Variants in KRTAP4-6 observed in about 807,000 individuals in gnomAD.
KRTAP4-6 encodes keratin-associated protein 4-6.
In KRTAP4-6, 1 loss-of-function variant was observed where a neutral mutation model predicts 3.6. The observed-to-expected ratio is 0.28, with a 90% CI of 0.10 to 1.32. The LOEUF (loss-of-function observed/expected upper bound fraction) is 1.32, where lower values mean the gene tolerates loss of function less well. Among genes scored for constraint, KRTAP4-6 ranks in the 40% most tolerant of loss-of-function variants. The probability of loss-of-function intolerance (pLI) is 0.45; values close to 1 mark genes in which losing one functional copy is unlikely to be tolerated. For missense variants in KRTAP4-6, 275 were observed against 280.3 expected, an observed-to-expected ratio of 0.98 and a Z score of 0.14; for synonymous variants, 97 against 96.7, an observed-to-expected ratio of 1.00 and a Z score of -0.02.
chr17:41,139,706 CATAT>C, exon 1 of KRTAP4-6: 1 of 1,074,688 alleles, frequency 9.3e-7, no homozygotes, highest in Non-Finnish European at 1.3e-6. Flanking sequence ...ACATGGGGAA[CATAT>C]ATTCTAGATG....
rs538385765 is a variant in KRTAP4-6, at chr17:41,140,346, G to A, written c.142C>T (p.Pro48Ser). Residue 48 changes from proline to serine, a missense_variant, in exon 1 of 1, where the codon CCC (proline) becomes TCC (serine). By Grantham distance (74) the Pro-to-Ser change is moderately conservative. Transcript: ENST00000345847. ...CAGCACACAGACTGGCAGCACTGGGGTCTGCAGCAGCTGGACACACAGCAG... is the reference window on the plus strand; with the variant it reads ...CAGCACACAGACTGGCAGCACTGGGATCTGCAGCAGCTGGACACACAGCAG... The A allele has an allele frequency of 2.2e-4, 361 of 1,611,522 alleles. No individual in the cohort carries two copies. In the African/African-American group the frequency reaches 4.4e-3, roughly 20 times the overall value.
chr17:41,139,691 G>T, exon 1 of KRTAP4-6: 1 of 948,818 alleles, frequency 1.1e-6, no homozygotes, highest in Non-Finnish European at 1.5e-6. Context: ...TTCACACTTG[G>T]GTCAACATGG....
chr17:41,139,760 T>G, exon 1 of KRTAP4-6: 1 of 1,436,406 alleles, frequency 7.0e-7, no homozygotes, highest in Non-Finnish European at 9.4e-7. Flanking sequence ...GTCCAGGATA[T>G]GGAAACACAG....
In KRTAP4-6 at chr17:41,139,675, T is replaced by A. The variant is rs185612334; in HGVS notation, c.*195A>T. ...TATTAATTTCTTTCTGTAAATAATA[T>A]CTAATTTCACACTTGGGTCAACATG... On this transcript the variant is annotated 3_prime_UTR_variant, in exon 1 of 1. Transcript: ENST00000345847. The A allele has an allele frequency of 2.7e-5, 23 of 853,056 alleles. No individual in the cohort carries two copies. The East Asian group carries it at 6.3e-4, about 23-fold the overall frequency. The allele number at this position is 853,056 out of a possible 1,614,324, so 52.8% of individuals were successfully genotyped here.
At chr17:41,140,290 A>ACGG in exon 1 of KRTAP4-6, 1 of 1,432,554 alleles carries the variant, frequency 7.0e-7, no homozygotes, top group South Asian at 1.2e-5. Flanking sequence ...AGCAGCTGGG[A>ACGG]CAGCAGCTGG....
chr17:41,140,219 C>A, exon 1 of KRTAP4-6: 3 of 1,592,862 alleles, frequency 1.9e-6, no homozygotes, highest in Non-Finnish European at 2.6e-6. Flanking sequence ...CTGGGGTCTG[C>A]AGCAGCTGGA....
exon 1 of KRTAP4-6, chr17:41,139,769 A>G: frequency 6.8e-7 from 1 of 1,465,108 alleles, no homozygotes; most frequent in Non-Finnish European, 9.2e-7. Context: ...ATGGAAACAC[A>G]GTTGGTGGGA....
upstream of KRTAP4-6, chr17:41,140,511 G>A (rs1157002020): frequency 1.9e-6 from 3 of 1,593,168 alleles, no homozygotes; most frequent in Non-Finnish European, 2.6e-6. Flanking sequence ...AAAGGTTCTG[G>A]GTGGGTTTCC....
chr17:41,139,958 C>G, exon 1 of KRTAP4-6: 2 of 1,607,818 alleles, frequency 1.2e-6, no homozygotes, highest in African/African-American at 1.3e-5. Flanking sequence ...GCAGGAGACT[C>G]GGCCACAGAC....
Position 41,140,141 on chromosome 17 carries a change from C to T in KRTAP4-6, c.347G>A (p.Arg116His), listed in dbSNP as rs772636827. Residue 116 changes from arginine (R) to histidine (H), a missense_variant, in exon 1 of 1, where the codon CGC becomes CAC. Transcript: ENST00000345847. ...GCACCTGGACACACAGCAGCTGGGG[C>T]GACAGCAGCTGGAGATGCTGCAGCT... The T allele has an allele frequency of 1.3e-4, 185 of 1,449,154 alleles. No homozygotes were observed. The Middle Eastern group carries it at 3.6e-3, about 28-fold the overall frequency. The allele number at this position is 1,449,154 out of a possible 1,614,324, so 89.8% of individuals were successfully genotyped here.
exon 1 of KRTAP4-6, chr17:41,140,473 A>G (rs887387166): frequency 6.2e-7 from 1 of 1,612,412 alleles, no homozygotes; most frequent in African/African-American, 1.3e-5. Context: ...CGGAACCACA[A>G]CAGGAGCTGA....
In KRTAP4-6 at chr17:41,140,433, T is replaced by A. The variant is rs2014682610; in HGVS notation, c.55A>T (p.Thr19Ser). The A allele has an allele frequency of 1.9e-6, 3 of 1,613,778 alleles. No individual in the cohort carries two copies. The South Asian group carries it at 3.3e-5, about 18-fold the overall frequency. Residue 19 changes from threonine to serine, a missense_variant, in exon 1 of 1, where the codon ACC (threonine) becomes TCC (serine). Thr to Ser is a moderately conservative substitution (Grantham distance 58). Coordinates refer to ENST00000345847, the Ensembl canonical transcript of KRTAP4-6. ...TGACAGCAGCTGGGGCGGCAGCAGG[T>A]CTCCAGGCCACAGCCCTGGTCAGAG... is the stretch of plus-strand genomic sequence containing the variant.
chr17:41,139,688 T>C, exon 1 of KRTAP4-6: 1 of 926,356 alleles, frequency 1.1e-6, no homozygotes, highest in Non-Finnish European at 1.6e-6. Flanking sequence ...AATTTCACAC[T>C]TGGGTCAACA....
chr17:41,139,700 G>T, exon 1 of KRTAP4-6: 1 of 1,033,546 alleles, frequency 9.7e-7, no homozygotes, highest in South Asian at 1.8e-5. Flanking sequence ...GGGTCAACAT[G>T]GGGAACATAT....
Position 41,140,097 on chromosome 17 carries a change from G to A in KRTAP4-6, c.391C>T (p.Gln131Ter), listed in dbSNP as rs1239645097. ...CAGGTTGGCTGGCAGCACACAGACT[G>A]GCAGCACTGGGACCTGCAGCACCTG... The change falls in exon 1 of 1, where the codon CAG becomes TAG. Residue 131 changes from glutamine to a stop codon, truncating the protein, a stop_gained. Coordinates refer to ENST00000345847, the Ensembl canonical transcript of KRTAP4-6. LOFTEE classifies it low-confidence loss of function (END_TRUNC). The A allele has an allele frequency of 6.2e-6, 9 of 1,459,166 alleles. No individual in the cohort carries two copies. The highest frequency in any genetic ancestry group is 8.4e-6 in the Non-Finnish European group (9 of 1,076,160). 90.4% of individuals were successfully genotyped at this position (1,459,166 alleles called of 1,614,324 possible).
chr17:41,139,982 C>T (rs771117109), exon 1 of KRTAP4-6: 38 of 1,609,420 alleles, frequency 2.4e-5, no homozygotes, highest in Non-Finnish European at 3.2e-5. Context: ...ACGCAGGCAG[C>T]AGCAGGGGCG....
At chr17:41,139,692 G>T in exon 1 of KRTAP4-6, 1 of 973,304 alleles carries the variant, frequency 1.0e-6, no homozygotes, top group Non-Finnish European at 1.5e-6. Context: ...TCACACTTGG[G>T]TCAACATGGG....
In KRTAP4-6 at chr17:41,139,637, A is replaced by T. The variant is rs898951302; in HGVS notation, c.*233T>A. ...CATAAATACAAATATAAGGTATAAA[A>T]TTTGGTAAATTCTATTAATTTCTTT... On this transcript the variant is annotated 3_prime_UTR_variant, in exon 1 of 1. Transcript: ENST00000345847. 1.0e-5 allele frequency: 7 copies of T among 693,098 alleles called. No individual in the cohort carries two copies. The African/African-American group carries it at 1.3e-4, about 12-fold the overall frequency. 42.9% of individuals were successfully genotyped at this position (693,098 alleles called of 1,614,324 possible). A position where few individuals can be genotyped will look rare whatever the true frequency, so the allele number is the denominator to read the frequency against.
chr17:41,139,525 T>A (rs1409463359), exon 1 of KRTAP4-6: 3 of 362,108 alleles, frequency 8.3e-6, no homozygotes, highest in African/African-American at 4.1e-5. Context: ...GGTGAAACAA[T>A]CAGACTTTCA....
Sources: allele counts gnomAD v4.1 joint callset, GRCh38; gene constraint gnomAD v4.1.1; transcripts MANE v1.5; gene names NCBI Gene and HGNC (gene_info 2026-07-23, HGNC 2026-07-21).